The following KIAA1328 variants were observed in gnomAD, a reference collection of about 807,000 sequenced individuals.
The protein encoded by KIAA1328 is protein hinderin.
A neutral mutation model predicts 68.1 loss-of-function variants in KIAA1328; 52 were observed. The ratio of observed to expected loss-of-function variants is 0.76; its 90% confidence interval spans 0.61 to 0.96. KIAA1328 has a LOEUF of 0.96. Ranked by LOEUF, KIAA1328 falls within the 40% of genes least tolerant of loss-of-function variation. The pLI is 0.00. For missense variants in KIAA1328, 641 were observed against 677.6 expected, an observed-to-expected ratio of 0.95 and a Z score of 0.60; for synonymous variants, 232 against 239.4, an observed-to-expected ratio of 0.97 and a Z score of 0.28.
chr18:37,052,698 A>G (rs187983201), intron 6 of KIAA1328, among the ~76,000 whole-genome samples: 19 of 152,312 alleles, frequency 1.2e-4, no homozygotes, highest in African/African-American at 4.3e-4. Flanking sequence ...CTATACACCA[A>G]TAACGTTCAA....
chr18:37,012,459 C>T (rs1170664522), intron 6 of KIAA1328, among the ~76,000 whole-genome samples: 1 of 152,134 alleles, frequency 6.6e-6, no homozygotes, highest in Non-Finnish European at 1.5e-5. Context: ...AAAAGGAAAC[C>T]TCCAAAATTA....
intron 5 of KIAA1328, among the ~76,000 whole-genome samples, chr18:36,959,071 G>A (rs933439778): frequency 3.3e-5 from 5 of 151,854 alleles, no homozygotes; most frequent in Admixed American, 2.6e-4. Context: ...TTAAAGAATC[G>A]AGGAATAAAT....
intron 8 of KIAA1328, among the ~76,000 whole-genome samples, chr18:37,171,412 G>A (rs768567594): frequency 7.9e-5 from 12 of 152,090 alleles, no homozygotes; most frequent in Non-Finnish European, 1.8e-4. Flanking sequence ...ACAGGATCTT[G>A]CTATGTTGCC....
At position 37,067,301 on chromosome 18, in the gene KIAA1328, A is replaced by T. The variant is rs1399541769; in HGVS notation, c.988A>T (p.Thr330Ser). The T allele has an allele frequency of 6.2e-7, 1 of 1,613,810 alleles. No individual in the cohort carries two copies. The highest frequency in any genetic ancestry group is 1.7e-5 in the Admixed American group (1 of 59,990). Residue 330 changes from threonine (T) to serine (S), a missense_variant, in exon 7 of 10, where the codon ACA becomes TCA. Transcript: ENST00000280020. ...AAACATGACCCCTCAACATCCTAAG[A>T]CACATCCAGAATCATGCAGTTATTG... is the stretch of plus-strand genomic sequence containing the variant. The part of the protein sequence containing the change: ...PTNMTPQHPK[T>S]HPESCSYCRL...
intron 7 of KIAA1328, among the ~76,000 whole-genome samples, chr18:37,124,271 A>T (rs980569307): frequency 2.0e-5 from 3 of 152,174 alleles, no homozygotes; most frequent in Non-Finnish European, 4.4e-5. Flanking sequence ...ATAGATTTGT[A>T]CCTGGTTGCT....
At chr18:36,854,278 A>C (rs549495903) in intron 4 of KIAA1328, among the ~76,000 whole-genome samples, 2 of 152,342 alleles carry the variant, frequency 1.3e-5, no homozygotes, top group African/African-American at 4.8e-5. Context: ...CTCCAGAAAT[A>C]GGAGGAAATA....
chr18:37,068,039 C>G (rs1282084007), intron 7 of KIAA1328, among the ~76,000 whole-genome samples: 1 of 152,092 alleles, frequency 6.6e-6, no homozygotes, highest in Non-Finnish European at 1.5e-5. Flanking sequence ...CAAAGATTAC[C>G]TTGTCTTCCA....
At chr18:36,863,086 C>A (rs2047620984) in intron 4 of KIAA1328, among the ~76,000 whole-genome samples, 1 of 152,064 alleles carries the variant, frequency 6.6e-6, no homozygotes, top group Non-Finnish European at 1.5e-5. Flanking sequence ...ATGTACTTTG[C>A]AAATACTTTT....
At chr18:37,133,611 C>T (rs372340052) in intron 7 of KIAA1328, among the ~76,000 whole-genome samples, 6 of 150,968 alleles carry the variant, frequency 4.0e-5, no homozygotes, top group Non-Finnish European at 8.8e-5. Context: ...CTGCAAGCTC[C>T]GCCTCCCAGG....
At chr18:37,160,004 G>C (rs1308809496) in intron 7 of KIAA1328, among the ~76,000 whole-genome samples, 196 bp from the exon 8 acceptor site, 1 of 152,070 alleles carries the variant, frequency 6.6e-6, no homozygotes, top group East Asian at 1.9e-4. Flanking sequence ...GAGAATAAAG[G>C]CCATTTCTTT....
At chr18:37,226,018 A>T (rs1013276612), downstream of KIAA1328, among the ~76,000 whole-genome samples, 1 of 152,136 alleles carries the variant, frequency 6.6e-6, no homozygotes, top group Non-Finnish European at 1.5e-5. Flanking sequence ...CAAGTGTAAG[A>T]TCCCCCCTAA....
At chr18:36,881,512 A>G (rs2048327885) in intron 4 of KIAA1328, among the ~76,000 whole-genome samples, 1 of 152,196 alleles carries the variant, frequency 6.6e-6, no homozygotes, top group South Asian at 2.1e-4. Flanking sequence ...TTTTTTAAAC[A>G]GCGTATTCAC....
intron 7 of KIAA1328, among the ~76,000 whole-genome samples, chr18:37,099,523 G>T (rs569196927): frequency 1.3e-5 from 2 of 152,154 alleles, no homozygotes; most frequent in African/African-American, 2.4e-5. Context: ...AATAGGTGTG[G>T]TGTGATGCTG....
chr18:37,109,231 A>G (rs542259417), intron 7 of KIAA1328, among the ~76,000 whole-genome samples: 66 of 152,350 alleles, frequency 4.3e-4, no homozygotes, highest in African/African-American at 1.5e-3. Flanking sequence ...TAGTGCTGCA[A>G]TAAACATATG....
intron 7 of KIAA1328, among the ~76,000 whole-genome samples, chr18:37,138,699 C>A (rs926230341): frequency 6.6e-6 from 1 of 152,096 alleles, no homozygotes; most frequent in African/African-American, 2.4e-5. Context: ...TTGCATACTG[C>A]CATCGTAACA....
chr18:37,025,946 G>T (rs1251495545), intron 6 of KIAA1328, among the ~76,000 whole-genome samples: 1 of 151,988 alleles, frequency 6.6e-6, no homozygotes, highest in Non-Finnish European at 1.5e-5. Context: ...CTGGTTTTTT[G>T]AAACAGTCAA....
chr18:37,039,236 C>A (rs1455314315), intron 6 of KIAA1328, among the ~76,000 whole-genome samples: 1 of 151,854 alleles, frequency 6.6e-6, no homozygotes, highest in Non-Finnish European at 1.5e-5. Context: ...ATATGTTTAA[C>A]AGTATTTCCT....
chr18:36,889,576 A>G (rs1015819674), intron 5 of KIAA1328, among the ~76,000 whole-genome samples: 18 of 152,204 alleles, frequency 1.2e-4, no homozygotes, highest in African/African-American at 1.9e-4. Context: ...AGCACTGAGT[A>G]GCTATCTGAT....
At chr18:37,150,585 A>C (rs1345919063) in intron 7 of KIAA1328, among the ~76,000 whole-genome samples, 7 of 151,472 alleles carry the variant, frequency 4.6e-5, no homozygotes, top group African/African-American at 9.7e-5. Flanking sequence ...AAAAAAAAAA[A>C]CCCCACAAAA....
Sources: gnomAD v4.1 joint callset for allele counts (sites outside exome capture counted in the v4.1 genomes callset) on GRCh38, gnomAD v4.1.1 for gene constraint, MANE v1.5 for transcripts, NCBI Gene and HGNC (gene_info 2026-07-23, HGNC 2026-07-21) for gene names.